Variants in TRPM1 observed in about 807,000 individuals in gnomAD.
TRPM1 encodes the protein transient receptor potential cation channel subfamily M member 1, also known as TRPM1-203 APA Isoform, Intron 10.
Under a neutral mutation model 149.4 loss-of-function variants are expected in TRPM1, and 113 were observed. The observed-to-expected ratio is 0.76, with a 90% confidence interval of 0.65 to 0.88. The LOEUF (loss-of-function observed/expected upper bound fraction) is 0.88, where lower values mean the gene tolerates loss of function less well. Ranked by LOEUF, TRPM1 falls within the 40% of genes least tolerant of loss-of-function variation. The pLI is 0.00. For missense variants in TRPM1, 1,976 were observed against 2,038.7 expected (o/e 0.97, Z 0.59); for synonymous variants, 741 against 759.5 (o/e 0.98, Z 0.40).
At chr15:31,007,086 C>T (rs1304762479) in intron 27 of TRPM1, among the ~76,000 whole-genome samples, 1 of 152,026 alleles carries the variant, frequency 6.6e-6, no homozygotes, top group African/African-American at 2.4e-5. Flanking sequence ...TTTGTCTATT[C>T]CCAAGTTGTG....
chr15:31,153,259 T>G (rs1248986526), intron 1 of TRPM1, among the ~76,000 whole-genome samples: 1 of 152,222 alleles, frequency 6.6e-6, no homozygotes, highest in Non-Finnish European at 1.5e-5. Context: ...CCTGGAGGCT[T>G]CATCTGCATA....
Position 31,050,457 on chromosome 15 carries a change from C to T in TRPM1, c.1389G>A (p.Glu463=), listed in dbSNP as rs1323183008. Residue 463 remains glutamate (E), a synonymous_variant, in exon 12 of 28, where the codon GAG becomes GAA. Transcript: ENST00000256552. ...GGGGGTCAGTTTCTTCCTCCACTTC[C>T]TCTTTCACTTTCCCTTTCTTCTTGC... is the stretch of plus-strand genomic sequence containing the variant. The part of the protein sequence containing the change: ...GKGKKKGKVK[E]EVEEETDPRK... 1.2e-6 allele frequency: 2 copies of T among 1,614,004 alleles called. No individual in the cohort carries two copies. The highest frequency in any genetic ancestry group is 2.7e-5 in the African/African-American group (2 of 74,882).
intron 27 of TRPM1, among the ~76,000 whole-genome samples, chr15:31,008,551 G>A (rs894213809): frequency 6.6e-6 from 1 of 152,012 alleles, no homozygotes; most frequent in South Asian, 2.1e-4. Flanking sequence ...CTACCTGATC[G>A]TGGCTAGACT....
chr15:31,004,165 A>C (rs909370908), intron 27 of TRPM1, among the ~76,000 whole-genome samples: 9 of 152,060 alleles, frequency 5.9e-5, no homozygotes, highest in Admixed American at 4.6e-4. Context: ...CTTTCTTAAA[A>C]ACATAGGGAG....
chr15:31,132,800 G>A lies in TRPM1; in HGVS notation c.54+28106C>T, dbSNP rs547388776. Among the ~76,000 whole-genome samples the A allele has an allele frequency of 1.2e-4, 19 of 152,260 alleles. 1 individual carries two copies. The South Asian group carries it at 3.7e-3, about 30-fold the overall frequency. On this transcript the variant is annotated intron_variant, in intron 1 of 26. Coordinates refer to the TRPM1 transcript ENST00000542188. ...GGCGGGTTTTTCCTGCGCTGTTCCCGTGGTAGTGAATACATCTCACGAGAC... is the reference window on the plus strand; with the variant it reads ...GGCGGGTTTTTCCTGCGCTGTTCCCATGGTAGTGAATACATCTCACGAGAC...
chr15:31,050,208 C>T (rs1178009273), intron 12 of TRPM1, among the ~76,000 whole-genome samples: 2 of 152,302 alleles, frequency 1.3e-5, no homozygotes, highest in African/African-American at 4.8e-5. Flanking sequence ...AAAGCAGGAA[C>T]GTTTGGTGTT....
intron 6 of TRPM1, among the ~76,000 whole-genome samples, chr15:31,066,534 T>C (rs1475499760): frequency 6.6e-6 from 1 of 152,212 alleles, no homozygotes; most frequent in Admixed American, 6.5e-5. Context: ...ATGGCTACTT[T>C]ACTTGTAACA....
chr15:31,051,325 C>T (rs528701576), intron 11 of TRPM1, among the ~76,000 whole-genome samples: 31 of 152,286 alleles, frequency 2.0e-4, no homozygotes, highest in African/African-American at 7.2e-4. Flanking sequence ...CCAGACCCAC[C>T]CGCTCCTCTT....
rs1390533031 is a variant in TRPM1, at chr15:31,040,605, C to T, written c.2088-259G>A. 6.6e-6 allele frequency among the ~76,000 whole-genome samples: 1 copy of T among 152,196 alleles called. No homozygotes were observed. Among genetic ancestry groups the T allele is most frequent in the Non-Finnish European group, 1.5e-5 (1 of 68,030 alleles). ...GAGCTGTAGGTTGAGACCACATCTG[C>T]CCCTCAGACCCCAGGGACATAGAGA... On this transcript the variant is annotated intron_variant, in intron 17 of 27. Coordinates refer to ENST00000256552, the MANE Select transcript of TRPM1 (RefSeq NM_001252024.2). This position sits in a 1 kb window ranked among gnomAD's most constrained non-coding sequence, Gnocchi z 4.2.
At chr15:31,119,539 G>A (rs2141032414) in intron 1 of TRPM1, among the ~76,000 whole-genome samples, 1 of 152,070 alleles carries the variant, frequency 6.6e-6, no homozygotes, top group South Asian at 2.1e-4. Flanking sequence ...AAAAGATATG[G>A]GTCAGAAACT....
chr15:31,001,783 T>C lies in TRPM1; in HGVS notation c.*39A>G, dbSNP rs771547649. The C allele has an allele frequency of 2.5e-6, 4 of 1,596,154 alleles. No individual in the cohort carries two copies. The African/African-American group carries it at 5.4e-5, about 21-fold the overall frequency. On this transcript the variant is annotated 3_prime_UTR_variant, in exon 28 of 28. Coordinates refer to ENST00000256552, the MANE Select transcript of TRPM1 (RefSeq NM_001252024.2). ...GGCCAAGATGACACCCATTAGTGGT[T>C]CTGACTGTTAAAAAAAAAAATTAAA...
chr15:31,038,135 A>G lies in TRPM1; in HGVS notation c.2348T>C (p.Ile783Thr), dbSNP rs758613652. The change falls in exon 19 of 28, where the codon ATC becomes ACC. Residue 783 changes from isoleucine (I) to threonine (T), a missense_variant. By Grantham distance (89) the Ile-to-Thr change is moderately conservative (BLOSUM62 -1). Transcript: ENST00000256552. ...ATATGTGCGAAATTCCAAAAACAAG[A>G]TGGTGGGGGGTAGAAGAATCCCCAT... ...VIMGILLPPT[I>T]LFLEFRTYDD... 1.9e-6 allele frequency: 3 copies of G among 1,614,030 alleles called. No individual in the cohort carries two copies. The highest frequency in any genetic ancestry group is 2.2e-5 in the South Asian group (2 of 91,078).
chr15:31,035,699 C>T (rs768716312), intron 20 of TRPM1, 25 bp from the exon 21 acceptor site: 17 of 1,613,958 alleles, frequency 1.1e-5, no homozygotes, highest in East Asian at 6.7e-5. Flanking sequence ...AGCTGTTAGC[C>T]GTGTTTGGGG....
rs765973300 is a variant in TRPM1 at position 31,002,570 on chromosome 15, C to T, written c.4130G>A (p.Gly1377Asp). ...TTCCTTTGAAATCCCAATATCTGGA[C>T]CTAATTTTGACTCTTCAGCGTTCTT... ...DLKNAEESKL[G>D]PDIGISKEDD... Residue 1377 changes from glycine to aspartate, a missense_variant, in exon 28 of 28, where the codon GGT (glycine) becomes GAT (aspartate). Transcript: ENST00000256552. 1.2e-5 allele frequency: 19 copies of T among 1,613,996 alleles called. No individual in the cohort carries two copies. The African/African-American group carries it at 2.0e-4, about 17-fold the overall frequency.
intron 1 of TRPM1, among the ~76,000 whole-genome samples, chr15:31,096,289 C>T (rs898318714): frequency 1.3e-5 from 2 of 152,162 alleles, no homozygotes; most frequent in Non-Finnish European, 2.9e-5. Context: ...TCTGCTTTAT[C>T]ATTCTCTAAA....
In TRPM1 at chr15:31,002,982, C is replaced by G. The variant is rs914468507; in HGVS notation, c.3718G>C (p.Ala1240Pro). ...CTGTTAGATAATTCTTCTAGCTGAG[C>G]AAGTCGAAGGTCAACAGTCTGCAGG... ...TSLQTVDLRL[A>P]QLEELSNRMV... Residue 1240 changes from alanine (A) to proline (P), a missense_variant, in exon 28 of 28, where the codon GCT becomes CCT. Ala to Pro is a conservative substitution (Grantham distance 27). Coordinates refer to ENST00000256552, the MANE Select transcript of TRPM1 (RefSeq NM_001252024.2). 1.6e-5 allele frequency: 26 copies of G among 1,594,352 alleles called. No homozygotes were observed. The highest frequency in any genetic ancestry group is 2.2e-5 in the Non-Finnish European group (26 of 1,171,648).
At position 31,026,285 on chromosome 15, in the gene TRPM1, G is replaced by A; in HGVS notation, c.3497-14C>T. 1 of 1,608,886 alleles carries A rather than the reference G, an allele frequency of 6.2e-7. No individual in the cohort carries two copies. The highest frequency in any genetic ancestry group is 8.5e-7 in the Non-Finnish European group (1 of 1,179,996). The stretch of plus-strand genomic sequence containing the variant: ...TAAGGAAGAGCTCTGTGTGAAGGGA[G>A]AAGTGTCGGCCACGTGAAAAACAAG... On this transcript the variant is annotated splice_polypyrimidine_tract_variant and intron_variant, in intron 26 of 27. Transcript: ENST00000256552.
chr15:31,143,824 T>C (rs1021496847), intron 1 of TRPM1, among the ~76,000 whole-genome samples: 1 of 152,212 alleles, frequency 6.6e-6, no homozygotes, highest in Admixed American at 6.5e-5. Context: ...GAACGTTTGC[T>C]TTTCCTTCTT....
At chr15:31,035,328 G>C (rs1173658478) in intron 21 of TRPM1, among the ~76,000 whole-genome samples, 2 of 151,906 alleles carry the variant, frequency 1.3e-5, no homozygotes, top group Admixed American at 6.6e-5. Context: ...TTTTAGTAGA[G>C]GCAGTGTTTC....
Sources: gnomAD v4.1 joint callset for allele counts (sites outside exome capture counted in the v4.1 genomes callset) on GRCh38, gnomAD v4.1.1 for gene constraint, Gnocchi (gnomAD v3.1) non-coding constraint, MANE v1.5 for transcripts, NCBI Gene and HGNC (gene_info 2026-07-23, HGNC 2026-07-21) for gene names.